IQGAP2: variants seen among roughly 807,000 people sequenced by gnomAD.
The protein encoded by IQGAP2 is ras GTPase-activating-like protein IQGAP2.
A neutral mutation model predicts 201.3 loss-of-function variants in IQGAP2; 173 were observed. That is an observed-to-expected ratio of 0.86 (90% CI 0.76 to 0.98). The LOEUF is 0.98. Ranked by LOEUF, IQGAP2 falls within the 50% of genes least tolerant of loss-of-function variation. The pLI is 0.00. For missense variants in IQGAP2, 1,687 were observed against 1,864.8 expected, an observed-to-expected ratio of 0.90 and a Z score of 1.76; for synonymous variants, 675 against 673.9, an observed-to-expected ratio of 1.00 and a Z score of -0.03.
At chr5:76,546,747 AACTACGG>A (rs1380505786) in intron 2 of IQGAP2, among the ~76,000 whole-genome samples, 3 of 152,190 alleles carry the variant, frequency 2.0e-5, no homozygotes, top group Non-Finnish European at 2.9e-5. Context: ...TGTGAACTGT[AACTACGG>A]ACACACATGT....
At chr5:76,579,725 C>G (rs1465350208) in intron 5 of IQGAP2, among the ~76,000 whole-genome samples, 2 of 152,052 alleles carry the variant, frequency 1.3e-5, no homozygotes, top group Non-Finnish European at 2.9e-5. Flanking sequence ...AAGGGATTGA[C>G]TGTACCCAGT....
intron 28 of IQGAP2, among the ~76,000 whole-genome samples, chr5:76,678,294 CT>C (rs1561583956): frequency 6.6e-6 from 1 of 152,016 alleles, no homozygotes; most frequent in African/African-American, 2.4e-5. Context: ...ACATCTACAT[CT>C]GGTTTGCATG....
At chr5:76,470,620 A>G (rs1755048108) in intron 2 of IQGAP2, among the ~76,000 whole-genome samples, 1 of 152,100 alleles carries the variant, frequency 6.6e-6, no homozygotes, top group South Asian at 2.1e-4. Context: ...TGTGTTGCCC[A>G]GGCTGGATTC....
At chr5:76,523,076 CTTTTTT>C (rs35277348) in intron 2 of IQGAP2, among the ~76,000 whole-genome samples, 1 of 78,372 alleles carries the variant, frequency 1.3e-5, no homozygotes. Flanking sequence ...TTTCTTTTGC[CTTTTTT>C]TTTTTTTTTT....
At chr5:76,467,020 G>A (rs944327963) in intron 2 of IQGAP2, among the ~76,000 whole-genome samples, 1 of 152,194 alleles carries the variant, frequency 6.6e-6, no homozygotes, top group African/African-American at 2.4e-5. Flanking sequence ...GGAGGCTAAG[G>A]CCAGCAGATC....
intron 17 of IQGAP2, among the ~76,000 whole-genome samples, chr5:76,647,659 C>T (rs1752163053): frequency 6.6e-6 from 1 of 152,126 alleles, no homozygotes; most frequent in Admixed American, 6.5e-5. Flanking sequence ...TCCATTAAAC[C>T]TGTTTTTCTT....
chr5:76,612,923 T>C (rs1310716945), intron 13 of IQGAP2, among the ~76,000 whole-genome samples: 1 of 152,182 alleles, frequency 6.6e-6, no homozygotes, highest in Admixed American at 6.5e-5. Context: ...ATAATTACTG[T>C]TTCTAAACTT....
chr5:76,667,877 C>CTTTTTTTTTTT (rs540744402), intron 22 of IQGAP2, among the ~76,000 whole-genome samples: 9 of 123,426 alleles, frequency 7.3e-5, no homozygotes, highest in Non-Finnish European at 9.9e-5. Flanking sequence ...AGTCCACTTT[C>CTTTTTTTTTTT]TTTTTTTTTT....
At position 76,413,223 on chromosome 5, in the gene IQGAP2, C is replaced by T. The variant is rs573596812; in HGVS notation, c.46+9632C>T. Among the ~76,000 whole-genome samples the T allele has an allele frequency of 2.3e-3, 278 of 120,618 alleles. 1 individual carries two copies. Among genetic ancestry groups the T allele is most frequent in the Non-Finnish European group, 2.7e-3 (169 of 63,522 alleles). 79.1% of individuals were successfully genotyped at this position (120,618 alleles called of 152,430 possible). ...TCACTGTGTCGCCTAGGCTGGAGTG[C>T]AGTGGCGCGATCTTGGCTCACTGCA... On this transcript the variant is annotated intron_variant, in intron 1 of 35. Coordinates refer to ENST00000274364, the MANE Select transcript of IQGAP2 (RefSeq NM_006633.5).
chr5:76,692,324 G>C (rs1320656846), intron 30 of IQGAP2, among the ~76,000 whole-genome samples: 1 of 152,162 alleles, frequency 6.6e-6, no homozygotes, highest in Admixed American at 6.5e-5. Context: ...GCTAATTTTT[G>C]TATCCTTAGT....
chr5:76,448,603 T>A (rs1355719269), intron 1 of IQGAP2, among the ~76,000 whole-genome samples: 1 of 151,964 alleles, frequency 6.6e-6, no homozygotes, highest in Admixed American at 6.6e-5. Context: ...TCTCCATAAG[T>A]GGAAGCATCA....
chr5:76,617,614 T>C (rs1749111027), intron 13 of IQGAP2: 1 of 1,613,534 alleles, frequency 6.2e-7, no homozygotes, highest in South Asian at 1.1e-5. Context: ...GAGTGATTTC[T>C]GGTTTTTGAC....
intron 1 of IQGAP2, among the ~76,000 whole-genome samples, chr5:76,456,518 T>C (rs1180994696): frequency 6.6e-6 from 1 of 152,200 alleles, no homozygotes; most frequent in African/African-American, 2.4e-5. Context: ...CATCTTTATA[T>C]TCCATTCTCC....
chr5:76,492,213 G>T (rs1756595390), intron 2 of IQGAP2, among the ~76,000 whole-genome samples: 1 of 152,180 alleles, frequency 6.6e-6, no homozygotes, highest in South Asian at 2.1e-4. Flanking sequence ...CCTGAGGAAG[G>T]TTGCTGTGCT....
chr5:76,430,186 A>C (rs1209312824), intron 1 of IQGAP2, among the ~76,000 whole-genome samples: 1 of 152,212 alleles, frequency 6.6e-6, no homozygotes, highest in Non-Finnish European at 1.5e-5. Context: ...ACTTAGTGGA[A>C]TAAAACCACC....
At chr5:76,480,974 G>T (rs1755751026) in intron 2 of IQGAP2, among the ~76,000 whole-genome samples, 1 of 152,176 alleles carries the variant, frequency 6.6e-6, no homozygotes, top group Non-Finnish European at 1.5e-5. Context: ...TCTTGTAGCT[G>T]CATCCTCCGT....
chr5:76,676,617 A>G (rs1744845685), intron 27 of IQGAP2, among the ~76,000 whole-genome samples: 1 of 152,258 alleles, frequency 6.6e-6, no homozygotes, highest in South Asian at 2.1e-4. Flanking sequence ...GCTTTAGCTT[A>G]AAATAGACTT....
intron 2 of IQGAP2, among the ~76,000 whole-genome samples, chr5:76,559,861 G>C (rs1744237469): frequency 6.6e-6 from 1 of 152,224 alleles, no homozygotes; most frequent in South Asian, 2.1e-4. Flanking sequence ...GTGTGGTGGG[G>C]GTTTGAGTGT....
intron 2 of IQGAP2, among the ~76,000 whole-genome samples, chr5:76,511,393 T>C (rs1757951062): frequency 6.6e-6 from 1 of 152,222 alleles, no homozygotes; most frequent in South Asian, 2.1e-4. Context: ...CCAAGCTCGC[T>C]GGACCTGTCA....
Sources: allele counts gnomAD v4.1 joint callset (sites outside exome capture counted in the v4.1 genomes callset), GRCh38; gene constraint gnomAD v4.1.1; transcripts MANE v1.5; gene names NCBI Gene and HGNC (gene_info 2026-07-23, HGNC 2026-07-21).